The following CNTNAP2 variants were observed in gnomAD, a reference collection of about 807,000 sequenced individuals.
CNTNAP2 encodes contactin-associated protein-like 2.
In CNTNAP2, 98 loss-of-function variants were observed where a neutral mutation model predicts 155.2. That is an observed-to-expected ratio of 0.63 (90% CI 0.54 to 0.75). The LOEUF (loss-of-function observed/expected upper bound fraction) is 0.75, where lower values mean the gene tolerates loss of function less well. Among genes scored for constraint, CNTNAP2 ranks in the 30% least tolerant of loss-of-function variants. CNTNAP2 has a pLI of 0.00. For missense variants in CNTNAP2, 1,727 were observed against 1,688.1 expected, an observed-to-expected ratio of 1.02 and a Z score of -0.40; for synonymous variants, 651 against 631.2, an observed-to-expected ratio of 1.03 and a Z score of -0.47.
intron 1 of CNTNAP2, among the ~76,000 whole-genome samples, chr7:146,147,986 A>T (rs2116769190): frequency 6.6e-6 from 1 of 152,238 alleles, no homozygotes. Flanking sequence ...TTAGATATGA[A>T]TTGCAGAATT....
chr7:146,937,593 A>G (rs950346252), intron 3 of CNTNAP2, among the ~76,000 whole-genome samples: 6 of 152,146 alleles, frequency 3.9e-5, no homozygotes, highest in African/African-American at 1.2e-4. Context: ...GTTTATAAAA[A>G]GTGGCTGGGA....
intron 1 of CNTNAP2, among the ~76,000 whole-genome samples, chr7:146,419,581 T>C (rs1447090576): frequency 6.6e-6 from 1 of 152,108 alleles, no homozygotes; most frequent in Non-Finnish European, 1.5e-5. Context: ...TATTCTTTAA[T>C]TAAAAAAATT....
intron 8 of CNTNAP2, among the ~76,000 whole-genome samples, chr7:147,298,529 A>G (rs143629917): frequency 3.8e-4 from 58 of 152,356 alleles, no homozygotes; most frequent in South Asian, 8.3e-4. Flanking sequence ...AATACTTACT[A>G]TGAGTAACTA....
At chr7:148,034,238 G>C (rs1050356316) in intron 15 of CNTNAP2, among the ~76,000 whole-genome samples, 1 of 152,128 alleles carries the variant, frequency 6.6e-6, no homozygotes, top group African/African-American at 2.4e-5. Context: ...GGTTATAAGA[G>C]GATAAAATTT....
chr7:146,416,464 A>C (rs1795939948), intron 1 of CNTNAP2, among the ~76,000 whole-genome samples: 1 of 152,082 alleles, frequency 6.6e-6, no homozygotes, highest in Non-Finnish European at 1.5e-5. Context: ...TCAGCATGGC[A>C]CATTATAACC....
intron 11 of CNTNAP2, among the ~76,000 whole-genome samples, chr7:147,506,085 C>CTCCCTT (rs1188685610): frequency 1.3e-5 from 2 of 152,134 alleles, no homozygotes; most frequent in Non-Finnish European, 1.5e-5. Flanking sequence ...CTGATGAAAC[C>CTCCCTT]TTTCTCTCTT....
intron 1 of CNTNAP2, among the ~76,000 whole-genome samples, chr7:146,428,036 C>G (rs1367211286): frequency 6.6e-6 from 1 of 152,078 alleles, no homozygotes; most frequent in Non-Finnish European, 1.5e-5. Flanking sequence ...GATAATGGCC[C>G]CCAGCTCCAT....
At chr7:148,329,354 C>T (rs919874224) in intron 21 of CNTNAP2, among the ~76,000 whole-genome samples, 10 of 152,178 alleles carry the variant, frequency 6.6e-5, no homozygotes, top group Non-Finnish European at 1.5e-4. Context: ...AAGAAGTCCC[C>T]GGTGGCTCAG....
At chr7:147,256,480 CA>C (rs1297135737) in intron 8 of CNTNAP2, among the ~76,000 whole-genome samples, 1 of 152,056 alleles carries the variant, frequency 6.6e-6, no homozygotes, top group Non-Finnish European at 1.5e-5. Flanking sequence ...AATGTAGGAG[CA>C]GTATGCAAGA....
intron 1 of CNTNAP2, among the ~76,000 whole-genome samples, chr7:146,681,392 CAT>C (rs1354559129): frequency 5.6e-5 from 7 of 124,956 alleles, no homozygotes; most frequent in Non-Finnish European, 3.3e-5. Context: ...TTCATGGACA[CAT>C]AGAGGGAAAC....
At chr7:148,339,231 A>C (rs1368472898) in intron 21 of CNTNAP2, among the ~76,000 whole-genome samples, 4 of 150,594 alleles carry the variant, frequency 2.7e-5, no homozygotes, top group Non-Finnish European at 5.9e-5. Flanking sequence ...ACGCAGATAC[A>C]CCAGGAGGCT....
rs948476307 is a variant in CNTNAP2 at position 148,416,985 on chromosome 7, A to C, written c.*1369A>C. On this transcript the variant is annotated 3_prime_UTR_variant, in exon 24 of 24. Coordinates refer to ENST00000361727, the MANE Select transcript of CNTNAP2 (RefSeq NM_014141.6). ...ACACTTCCTGTAAACAAATGGGGAC[A>C]ATGCATCCAAAAAATCTTTTTAAAC... 2 of 152,220 alleles carry C rather than the reference A, an allele frequency of 1.3e-5. No individual in the cohort carries two copies. The highest frequency in any genetic ancestry group is 2.4e-5 in the African/African-American group (1 of 41,442). 9.4% of individuals were successfully genotyped at this position (152,220 alleles called of 1,614,324 possible).
chr7:146,344,835 G>A (rs1794795818), intron 1 of CNTNAP2, among the ~76,000 whole-genome samples: 1 of 152,100 alleles, frequency 6.6e-6, no homozygotes, highest in Non-Finnish European at 1.5e-5. Flanking sequence ...TAGTCCAGTA[G>A]TTACATACCT....
chr7:147,595,403 G>C (rs892843464), intron 12 of CNTNAP2, among the ~76,000 whole-genome samples: 1 of 152,132 alleles, frequency 6.6e-6, no homozygotes, highest in Admixed American at 6.6e-5. Context: ...AGTGTCATTT[G>C]GGAAATATTG....
chr7:147,051,378 C>T (rs1799471502), intron 4 of CNTNAP2, among the ~76,000 whole-genome samples: 1 of 151,828 alleles, frequency 6.6e-6, no homozygotes, highest in Admixed American at 6.6e-5. Flanking sequence ...TTCAGTGAAC[C>T]TGTATCGCAT....
At chr7:146,668,968 A>G (rs1266787286) in intron 1 of CNTNAP2, among the ~76,000 whole-genome samples, 3 of 152,118 alleles carry the variant, frequency 2.0e-5, no homozygotes, top group Non-Finnish European at 2.9e-5. Context: ...GTCTCAGAAT[A>G]TGGTCTATGT....
At chr7:146,404,292 G>A (rs538964220) in intron 1 of CNTNAP2, among the ~76,000 whole-genome samples, 5 of 152,196 alleles carry the variant, frequency 3.3e-5, no homozygotes, top group African/African-American at 7.2e-5. Context: ...AGATGGGGAC[G>A]CAGAGAAGCC....
chr7:146,820,737 C>T (rs1229778443), intron 2 of CNTNAP2, among the ~76,000 whole-genome samples: 10 of 152,058 alleles, frequency 6.6e-5, no homozygotes, highest in Non-Finnish European at 1.0e-4. Context: ...CTTTGTGTCT[C>T]GCTGATCTGT....
intron 14 of CNTNAP2, among the ~76,000 whole-genome samples, chr7:147,914,378 T>A (rs1033983441): frequency 6.6e-6 from 1 of 151,872 alleles, no homozygotes; most frequent in Non-Finnish European, 1.5e-5. Context: ...CTATGTCTAC[T>A]AAAAATACAA....
Sources: gnomAD v4.1 joint callset for allele counts (sites outside exome capture counted in the v4.1 genomes callset) on GRCh38, gnomAD v4.1.1 for gene constraint, MANE v1.5 for transcripts, NCBI Gene and HGNC (gene_info 2026-07-23, HGNC 2026-07-21) for gene names.